The following AUTS2 variants were observed in gnomAD, a reference collection of about 807,000 sequenced individuals.
AUTS2 encodes activator of transcription and developmental regulator AUTS2.
In AUTS2, 17 loss-of-function variants were observed where a neutral mutation model predicts 112.4. The ratio of observed to expected loss-of-function variants is 0.15; its 90% CI spans 0.10 to 0.23. The LOEUF is 0.23. AUTS2 is among the 10% of genes least tolerant of loss of function. The pLI is 1.00. For synonymous variants in AUTS2, 751 were observed against 702.7 expected, an observed-to-expected ratio of 1.07 and a Z score of -1.09; for missense variants, 1,510 against 1,701.6, an observed-to-expected ratio of 0.89 and a Z score of 1.98.
intron 5 of AUTS2, among the ~76,000 whole-genome samples, chr7:70,686,111 G>A (rs1808464031): frequency 6.6e-6 from 1 of 152,194 alleles, no homozygotes. Context: ...GCCTTTGTCA[G>A]GCTACCATAT....
intron 5 of AUTS2, among the ~76,000 whole-genome samples, chr7:70,460,883 C>T (rs1208682824): frequency 1.3e-5 from 2 of 152,152 alleles, no homozygotes; most frequent in South Asian, 2.1e-4. Context: ...CTGCATTTCT[C>T]GGCTCTGCAA....
chr7:70,755,024 A>G (rs1789105963), intron 6 of AUTS2, among the ~76,000 whole-genome samples: 1 of 152,142 alleles, frequency 6.6e-6, no homozygotes, highest in Admixed American at 6.5e-5. Context: ...TTTGTTTTGT[A>G]TTCCTCCTCC....
rs571507175 is a variant in AUTS2 at position 69,910,978 on chromosome 7, C to T, written c.522+11480C>T. Among the ~76,000 whole-genome samples the T allele has an allele frequency of 7.2e-5, 11 of 152,326 alleles. 1 individual carries two copies. The highest frequency in any genetic ancestry group is 2.6e-4 in the Admixed American group (4 of 15,306). On this transcript the variant is annotated intron_variant, in intron 2 of 18. Transcript: ENST00000342771. Reference sequence around the variant, plus strand: ...ATCTCTTGAGAGTTACTCATTATCACGAGAACAGCATGGGAAAGACCCCCA... The same window carrying T: ...ATCTCTTGAGAGTTACTCATTATCATGAGAACAGCATGGGAAAGACCCCCA...
intron 4 of AUTS2, among the ~76,000 whole-genome samples, chr7:70,142,493 T>G (rs1026905555): frequency 2.0e-5 from 3 of 152,200 alleles, no homozygotes; most frequent in Non-Finnish European, 4.4e-5. Flanking sequence ...CTGTCAACAT[T>G]GAAAGGAGTC....
At chr7:69,694,970 T>A (rs1797493968) in intron 1 of AUTS2, among the ~76,000 whole-genome samples, 1 of 152,162 alleles carries the variant, frequency 6.6e-6, no homozygotes, top group South Asian at 2.1e-4. Flanking sequence ...CAGAAATGGG[T>A]ATTCCATGGG....
chr7:69,744,242 G>T (rs1231250162), intron 1 of AUTS2, among the ~76,000 whole-genome samples: 1 of 152,142 alleles, frequency 6.6e-6, no homozygotes, highest in Non-Finnish European at 1.5e-5. Context: ...CCAATTTGGG[G>T]CTGCTATAAG....
rs1370950546 is a variant in AUTS2 at position 70,134,514 on chromosome 7, T to C, written c.625-22T>C. ...AAAAACCATTGCTGATTTTCCACTT[T>C]TGTCTTTATGCTTTATTGCAGAGTT... On this transcript the variant is annotated intron_variant, in intron 3 of 18. Coordinates refer to ENST00000342771, the MANE Select transcript of AUTS2 (RefSeq NM_015570.4). 4.3e-6 allele frequency: 7 copies of C among 1,613,118 alleles called. No homozygotes were observed. In the Admixed American group the frequency reaches 6.7e-5, roughly 15 times the overall value.
chr7:70,393,873 C>A (rs971817866), intron 4 of AUTS2, among the ~76,000 whole-genome samples: 3 of 152,160 alleles, frequency 2.0e-5, no homozygotes, highest in African/African-American at 7.2e-5. Flanking sequence ...TTATCAAAAA[C>A]AGAGAGTGAG....
chr7:70,754,093 G>A (rs748620667), intron 6 of AUTS2, among the ~76,000 whole-genome samples: 17 of 152,196 alleles, frequency 1.1e-4, no homozygotes, highest in Admixed American at 2.6e-4. Context: ...CCCAGGAAGC[G>A]GAGCTTACAG....
At chr7:69,797,127 C>G (rs752720035) in intron 1 of AUTS2, among the ~76,000 whole-genome samples, 1 of 152,146 alleles carries the variant, frequency 6.6e-6, no homozygotes, top group East Asian at 1.9e-4. Flanking sequence ...TGGTCTCTAC[C>G]TGCACCTCCA....
At chr7:70,031,869 T>C (rs2129556619) in intron 2 of AUTS2, among the ~76,000 whole-genome samples, 1 of 152,290 alleles carries the variant, frequency 6.6e-6, no homozygotes, top group Non-Finnish European at 1.5e-5. Context: ...ATTGAAGAGA[T>C]GAAAACTACA....
intron 5 of AUTS2, among the ~76,000 whole-genome samples, chr7:70,627,403 A>T (rs187418016): frequency 6.6e-6 from 1 of 152,186 alleles, no homozygotes; most frequent in Non-Finnish European, 1.5e-5. Flanking sequence ...TTAGACCTTT[A>T]TCAGATGCAT....
intron 4 of AUTS2, among the ~76,000 whole-genome samples, chr7:70,398,932 G>A (rs1562935142): frequency 1.4e-5 from 2 of 145,958 alleles, no homozygotes; most frequent in East Asian, 2.0e-4. Flanking sequence ...TTTTGTGTGT[G>A]TTTTTTGATG....
intron 1 of AUTS2, among the ~76,000 whole-genome samples, chr7:69,754,175 T>C (rs1332004681): frequency 6.6e-6 from 1 of 152,180 alleles, no homozygotes; most frequent in Non-Finnish European, 1.5e-5. Flanking sequence ...AGCACCTCTC[T>C]TCATGCCTCA....
intron 1 of AUTS2, among the ~76,000 whole-genome samples, chr7:69,604,218 G>T (rs1792590046): frequency 6.6e-6 from 1 of 152,118 alleles, no homozygotes; most frequent in Non-Finnish European, 1.5e-5. Context: ...AGCATAAGTG[G>T]GCTATACAGA....
At chr7:70,209,158 C>T (rs1328968609) in intron 4 of AUTS2, among the ~76,000 whole-genome samples, 1 of 151,994 alleles carries the variant, frequency 6.6e-6, no homozygotes, top group Non-Finnish European at 1.5e-5. Context: ...TGGTTGCATT[C>T]GGACATATTT....
At chr7:69,704,364 G>A (rs953011439) in intron 1 of AUTS2, among the ~76,000 whole-genome samples, 1 of 151,556 alleles carries the variant, frequency 6.6e-6, no homozygotes, top group Non-Finnish European at 1.5e-5. Flanking sequence ...TGCAAGCTCC[G>A]CCTCCCAAGT....
At chr7:70,114,176 G>A (rs1039582461) in intron 2 of AUTS2, among the ~76,000 whole-genome samples, 1 of 152,110 alleles carries the variant, frequency 6.6e-6, no homozygotes, top group Non-Finnish European at 1.5e-5. Flanking sequence ...TACTCTAATG[G>A]GAAGAAGCTT....
At chr7:69,784,657 A>G (rs1789287348) in intron 1 of AUTS2, among the ~76,000 whole-genome samples, 1 of 152,224 alleles carries the variant, frequency 6.6e-6, no homozygotes, top group Admixed American at 6.5e-5. Context: ...GTAAGTGTAG[A>G]GAAAGAAAGG....
Sources: allele counts gnomAD v4.1 joint callset (sites outside exome capture counted in the v4.1 genomes callset), GRCh38; gene constraint gnomAD v4.1.1; transcripts MANE v1.5; gene names NCBI Gene and HGNC (gene_info 2026-07-23, HGNC 2026-07-21).